The following PLEKHH2 variants were observed in gnomAD, a reference collection of about 807,000 sequenced individuals.
The protein encoded by PLEKHH2 is pleckstrin homology, MyTH4 and FERM domain containing H2, also known as pleckstrin homology domain-containing family H member 2.
In PLEKHH2, 129 loss-of-function variants were observed where a neutral mutation model predicts 187.9. That is an observed-to-expected ratio of 0.69 (90% confidence interval 0.59 to 0.79). The LOEUF (loss-of-function observed/expected upper bound fraction) is 0.79. Ranked by LOEUF, PLEKHH2 falls within the 30% of genes least tolerant of loss-of-function variation. The pLI is 0.00. For synonymous variants in PLEKHH2, 686 were observed against 605.6 expected (o/e 1.13, Z -1.95); for missense variants, 2,076 against 1,751.2 (o/e 1.19, Z -3.31).
rs938091135 is a variant in PLEKHH2, at chr2:43,707,617, T to C, written c.1966+72T>C. 1.9e-6 allele frequency: 3 copies of C among 1,544,154 alleles called. No individual in the cohort carries two copies. In the African/African-American group the frequency reaches 4.1e-5, roughly 21 times the overall value. The stretch of plus-strand genomic sequence containing the variant: ...ATATTAATTGGGAATTTTATCTCCA[T>C]TACAGGATTATTTTTTAAATCCAAG... On this transcript the variant is annotated intron_variant, in intron 11 of 29. Transcript: ENST00000282406.
At chr2:43,732,849 G>C (rs147064116) in intron 19 of PLEKHH2, among the ~76,000 whole-genome samples, 26 of 152,236 alleles carry the variant, frequency 1.7e-4, no homozygotes, top group African/African-American at 6.3e-4. Context: ...TCTGCTGCCA[G>C]TATAACCAGA....
intron 1 of PLEKHH2, among the ~76,000 whole-genome samples, chr2:43,642,644 G>A (rs1425395223): frequency 6.6e-6 from 1 of 152,050 alleles, no homozygotes; most frequent in Non-Finnish European, 1.5e-5. Context: ...TCTATTTGTA[G>A]TTTCTTGAAT....
Position 43,767,014 on chromosome 2 carries a change from A to G in PLEKHH2, c.*1416A>G, listed in dbSNP as rs551340101. On this transcript the variant is annotated 3_prime_UTR_variant, in exon 30 of 30. Coordinates refer to ENST00000282406, the MANE Select transcript of PLEKHH2 (RefSeq NM_172069.4). ...ATTAGGTTATGTAAGTGGTCAGTGCATTCCAGTATGTGTCACAACAGTGTA... is the reference window on the plus strand; with the variant it reads ...ATTAGGTTATGTAAGTGGTCAGTGCGTTCCAGTATGTGTCACAACAGTGTA... 6.5e-6 allele frequency: 1 copy of G among 152,938 alleles called. No homozygotes were observed. The highest frequency in any genetic ancestry group is 6.5e-5 in the Admixed American group (1 of 15,304). 9.5% of individuals were successfully genotyped at this position (152,938 alleles called of 1,614,324 possible). A position where few individuals can be genotyped will look rare whatever the true frequency, so the allele number is the denominator to read the frequency against.
At chr2:43,761,916 A>G (rs1016007548) in intron 27 of PLEKHH2, among the ~76,000 whole-genome samples, 4 of 152,190 alleles carry the variant, frequency 2.6e-5, no homozygotes, top group African/African-American at 4.8e-5. Flanking sequence ...GCATATCAGT[A>G]TATTTTGCTT....
At chr2:43,739,161 G>A (rs565654002) in intron 20 of PLEKHH2, among the ~76,000 whole-genome samples, 3 of 152,142 alleles carry the variant, frequency 2.0e-5, no homozygotes, top group Non-Finnish European at 4.4e-5. Context: ...AAAGTACTGG[G>A]ATTACAGGTG....
intron 1 of PLEKHH2, among the ~76,000 whole-genome samples, chr2:43,642,949 C>A (rs945951531): frequency 6.6e-6 from 1 of 152,178 alleles, no homozygotes; most frequent in African/African-American, 2.4e-5. Context: ...TACATTTCTG[C>A]GGAATGATAT....
chr2:43,719,722 G>A lies in PLEKHH2; in HGVS notation c.2461-947G>A, dbSNP rs529892781. 1.5e-4 allele frequency among the ~76,000 whole-genome samples: 23 copies of A among 152,340 alleles called. No homozygotes were observed. In the South Asian group the frequency reaches 4.3e-3, roughly 29 times the overall value. ...CAAAGTCCTGGGATTACAGGCGTGA[G>A]CCACCGCGCACAGCCTTCATCTTCT... is the stretch of plus-strand genomic sequence containing the variant. On this transcript the variant is annotated intron_variant, in intron 15 of 29. Transcript: ENST00000282406.
chr2:43,666,782 T>C (rs1291010713), intron 2 of PLEKHH2, among the ~76,000 whole-genome samples: 2 of 152,200 alleles, frequency 1.3e-5, no homozygotes. Flanking sequence ...TAAATCCTTT[T>C]AGCATTTTTA....
chr2:43,698,886 A>G (rs1345932041), intron 7 of PLEKHH2, among the ~76,000 whole-genome samples: 3 of 152,218 alleles, frequency 2.0e-5, no homozygotes, highest in South Asian at 2.1e-4. Flanking sequence ...TATTCTTATT[A>G]TAAAAACACA....
At chr2:43,753,040 C>T (rs1252748678) in intron 24 of PLEKHH2, among the ~76,000 whole-genome samples, 2 of 152,170 alleles carry the variant, frequency 1.3e-5, no homozygotes, top group Non-Finnish European at 2.9e-5. Flanking sequence ...GAGTTGAAAC[C>T]TTCACTTCCT....
At chr2:43,701,550 G>A (rs1357852788) in intron 8 of PLEKHH2, among the ~76,000 whole-genome samples, 1 of 152,080 alleles carries the variant, frequency 6.6e-6, no homozygotes, top group Non-Finnish European at 1.5e-5. Context: ...ATAAGTTTTT[G>A]AACTTAGTCG....
At chr2:43,646,315 G>A (rs1451056851) in intron 2 of PLEKHH2, among the ~76,000 whole-genome samples, 1 of 151,958 alleles carries the variant, frequency 6.6e-6, no homozygotes, top group East Asian at 1.9e-4. Flanking sequence ...TGATTTATCC[G>A]GTATTTTCCA....
chr2:43,688,638 T>C (rs555502511), intron 3 of PLEKHH2, among the ~76,000 whole-genome samples: 2 of 152,338 alleles, frequency 1.3e-5, no homozygotes, highest in African/African-American at 4.8e-5. Context: ...TTCAGTGATT[T>C]GCTAGAATAA....
intron 11 of PLEKHH2, among the ~76,000 whole-genome samples, chr2:43,708,265 G>A (rs1480965768): frequency 6.6e-6 from 1 of 152,170 alleles, no homozygotes; most frequent in East Asian, 1.9e-4. Flanking sequence ...ACACTGCAGT[G>A]GCTCCTCACA....
chr2:43,709,623 G>A (rs986226403), intron 11 of PLEKHH2, among the ~76,000 whole-genome samples: 1 of 152,132 alleles, frequency 6.6e-6, no homozygotes, highest in African/African-American at 2.4e-5. Flanking sequence ...GGATCACGAG[G>A]TCAAGAGATC....
intron 27 of PLEKHH2, among the ~76,000 whole-genome samples, chr2:43,759,577 A>G (rs1435850904): frequency 6.6e-6 from 1 of 152,250 alleles, no homozygotes. Flanking sequence ...CCTTTCCCCA[A>G]GGGAAAAATT....
At chr2:43,720,146 T>G (rs545905956) in intron 15 of PLEKHH2, among the ~76,000 whole-genome samples, 1 of 152,182 alleles carries the variant, frequency 6.6e-6, no homozygotes, top group Admixed American at 6.5e-5. Flanking sequence ...AATCCACCCC[T>G]CCACTCCCTT....
chr2:43,658,976 T>TC (rs1307573403), intron 2 of PLEKHH2: 81 of 145,774 alleles, frequency 5.6e-4, no homozygotes, highest in African/African-American at 1.9e-3. Context: ...TTTCTTTCTT[T>TC]TTTTTTTTTT....
rs962254600 is a variant in PLEKHH2, at chr2:43,767,671, T to C, written c.*2073T>C. On this transcript the variant is annotated 3_prime_UTR_variant, in exon 30 of 30. Coordinates refer to ENST00000282406, the MANE Select transcript of PLEKHH2 (RefSeq NM_172069.4). ...GGCTTTATTCTCAGGCAGTAGTTTA[T>C]TCATCATTTGGTAAGCCCCTCCCCA... 4 of 152,704 alleles carry C rather than the reference T, an allele frequency of 2.6e-5. No individual in the cohort carries two copies. The highest frequency in any genetic ancestry group is 9.7e-5 in the African/African-American group (4 of 41,432). 9.5% of individuals were successfully genotyped at this position (152,704 alleles called of 1,614,324 possible). A position where few individuals can be genotyped will look rare whatever the true frequency, so the allele number is the denominator to read the frequency against.
Sources: allele counts gnomAD v4.1 joint callset (sites outside exome capture counted in the v4.1 genomes callset), GRCh38; gene constraint gnomAD v4.1.1; transcripts MANE v1.5; gene names NCBI Gene and HGNC (gene_info 2026-07-23, HGNC 2026-07-21).